GPHN: variants seen among roughly 807,000 people sequenced by gnomAD.
GPHN encodes gephyrin.
Under a neutral mutation model 95.5 loss-of-function variants are expected in GPHN, and 17 were observed. The ratio of observed to expected loss-of-function variants is 0.18; its 90% confidence interval spans 0.12 to 0.27. The LOEUF is 0.27. Ranked by LOEUF, GPHN falls within the 10% of genes least tolerant of loss-of-function variation. The probability of loss-of-function intolerance (pLI) is 1.00; values close to 1 mark genes in which losing one functional copy is unlikely to be tolerated. For missense variants in GPHN, 660 were observed against 978.1 expected (o/e 0.67, Z 4.34); for synonymous variants, 320 against 322.5 (o/e 0.99, Z 0.08).
chr14:66,739,511 C>T (rs1210917277), intron 2 of GPHN, among the ~76,000 whole-genome samples: 1 of 145,598 alleles, frequency 6.9e-6, no homozygotes, highest in East Asian at 2.0e-4. Flanking sequence ...CCACCACCCC[C>T]GGCCCCTGCT....
the GPHN span, chr14:67,678,265 A>G: frequency 2.7e-6 from 3 of 1,122,926 alleles, no homozygotes; most frequent in Non-Finnish European, 4.1e-6. Flanking sequence ...TCATTTTGAC[A>G]AGAAGTACTG....
the GPHN span, among the ~76,000 whole-genome samples, chr14:67,230,266 G>A: frequency 6.6e-6 from 1 of 152,136 alleles, no homozygotes; most frequent in Non-Finnish European, 1.5e-5. Flanking sequence ...CCCTGGAAAA[G>A]AGTTTGGAAA....
At chr14:67,704,725 CA>C in the GPHN span, among the ~76,000 whole-genome samples, 1 of 152,220 alleles carries the variant, frequency 6.6e-6, no homozygotes, top group Non-Finnish European at 1.5e-5. Context: ...AAACAATTTA[CA>C]AAGCTTCTAT....
chr14:67,238,444 T>C, the GPHN span, among the ~76,000 whole-genome samples: 1 of 151,886 alleles, frequency 6.6e-6, no homozygotes, highest in African/African-American at 2.4e-5. Context: ...AATTGTTAAA[T>C]TTTTTTGTAG....
At chr14:66,880,115 T>C (rs2063860509) in intron 5 of GPHN, 82 bp downstream of exon 5, 5 of 853,808 alleles carry the variant, frequency 5.9e-6, no homozygotes, top group Non-Finnish European at 1.0e-5. Flanking sequence ...CACTTTGGCA[T>C]TGTTGTGAAT....
chr14:67,460,796 G>A, the GPHN span, among the ~76,000 whole-genome samples: 2 of 152,186 alleles, frequency 1.3e-5, no homozygotes, highest in African/African-American at 2.4e-5. Context: ...TGACTATGGG[G>A]TGCTGACTGA....
intron 2 of GPHN, among the ~76,000 whole-genome samples, chr14:66,689,034 G>A (rs923057244): frequency 3.9e-5 from 6 of 152,086 alleles, no homozygotes; most frequent in Non-Finnish European, 5.9e-5. Flanking sequence ...TGCATATTGT[G>A]CACATGTACC....
At chr14:67,665,261 T>G in the GPHN span, among the ~76,000 whole-genome samples, 466 of 84,418 alleles carry the variant, frequency 5.5e-3, 16 homozygotes, top group East Asian at 0.17. Flanking sequence ...AGTTATATCT[T>G]TTTTTTTTTT....
chr14:67,642,343 C>T, the GPHN span: 1 of 1,613,914 alleles, frequency 6.2e-7, no homozygotes, highest in Admixed American at 1.7e-5. Context: ...ACAGCTGTGT[C>T]ACACTGGGAG....
At chr14:67,004,822 G>A (rs1479110007) in intron 9 of GPHN, among the ~76,000 whole-genome samples, 3 of 151,714 alleles carry the variant, frequency 2.0e-5, no homozygotes, top group Admixed American at 2.0e-4. Context: ...CAGGTTGGTA[G>A]TAAGGCTTAT....
intron 4 of GPHN, among the ~76,000 whole-genome samples, chr14:66,831,052 A>T (rs1310056128): frequency 6.6e-6 from 1 of 152,044 alleles, no homozygotes; most frequent in Non-Finnish European, 1.5e-5. Context: ...GAAGAAGAAA[A>T]AATTGACCTA....
chr14:67,382,682 C>T, the GPHN span: 1 of 1,443,662 alleles, frequency 6.9e-7, no homozygotes, highest in Non-Finnish European at 9.7e-7. Flanking sequence ...CTTGGAATGT[C>T]ATATTGTAGG....
chr14:66,935,725 T>A (rs2067094662), intron 8 of GPHN, among the ~76,000 whole-genome samples: 1 of 151,896 alleles, frequency 6.6e-6, no homozygotes, highest in African/African-American at 2.4e-5. Flanking sequence ...TATGTGCACG[T>A]ATACATGTGT....
At chr14:67,013,730 T>C (rs558166946) in intron 9 of GPHN, among the ~76,000 whole-genome samples, 69 of 152,010 alleles carry the variant, frequency 4.5e-4, no homozygotes, top group African/African-American at 1.3e-3. Flanking sequence ...TAAAATATGA[T>C]TTAGAAAGGA....
intron 10 of GPHN, among the ~76,000 whole-genome samples, chr14:67,025,381 T>G (rs1205875658): frequency 6.6e-6 from 1 of 152,172 alleles, no homozygotes; most frequent in Non-Finnish European, 1.5e-5. Context: ...AGGTTTCTTG[T>G]AAGACTGGTG....
chr14:67,576,767 C>T, the GPHN span, among the ~76,000 whole-genome samples: 2 of 152,088 alleles, frequency 1.3e-5, no homozygotes, highest in Non-Finnish European at 2.9e-5. The surrounding 1 kb of genome is among the most constrained non-coding windows in gnomAD (Gnocchi z 4.0). Flanking sequence ...CAAGCTGCCC[C>T]GTTGCTGGCT....
intron 5 of GPHN, among the ~76,000 whole-genome samples, chr14:66,892,109 C>G (rs2064544701): frequency 6.6e-6 from 1 of 152,124 alleles, no homozygotes; most frequent in Admixed American, 6.5e-5. Flanking sequence ...ACTCCACTTC[C>G]AAGTTACATA....
At chr14:67,613,842 G>A in the GPHN span, 1 of 163,184 alleles carries the variant, frequency 6.1e-6, no homozygotes, top group Middle Eastern at 1.0e-3. Context: ...AATCACTGTG[G>A]CGCCTTGCTT....
chr14:67,245,594 C>T, the GPHN span, among the ~76,000 whole-genome samples: 1 of 152,066 alleles, frequency 6.6e-6, no homozygotes, highest in Non-Finnish European at 1.5e-5. Flanking sequence ...TCAAGTGATT[C>T]TCCTGCCTCA....
Sources: allele counts gnomAD v4.1 joint callset (sites outside exome capture counted in the v4.1 genomes callset), GRCh38; gene constraint gnomAD v4.1.1; non-coding constraint Gnocchi (gnomAD v3.1); transcripts MANE v1.5; gene names NCBI Gene and HGNC (gene_info 2026-07-23, HGNC 2026-07-21).